WWOX: variants seen among roughly 807,000 people sequenced by gnomAD.
WWOX encodes the protein WW domain containing oxidoreductase.
WWOX carries 69 observed loss-of-function variants against 46.2 expected under a neutral mutation model. The observed-to-expected ratio is 1.49, with a 90% confidence interval of 1.23 to 1.82. The LOEUF (loss-of-function observed/expected upper bound fraction) is 1.82. Among genes scored for constraint, WWOX ranks in the 40% most tolerant of loss-of-function variants. WWOX has a pLI of 0.00. For synonymous variants in WWOX, 359 were observed against 202.6 expected (o/e 1.77, Z -6.56); for missense variants, 919 against 542.6 (o/e 1.69, Z -6.89).
intron 8 of WWOX, among the ~76,000 whole-genome samples, chr16:78,995,521 G>T (rs1383952908): frequency 6.6e-6 from 1 of 151,934 alleles, no homozygotes; most frequent in Non-Finnish European, 1.5e-5. Context: ...AACTTGGAGA[G>T]CATTCTTCTA....
intron 8 of WWOX, among the ~76,000 whole-genome samples, chr16:78,677,366 G>T (rs2047626254): frequency 6.6e-6 from 1 of 152,202 alleles, no homozygotes. Context: ...TGAAAACACT[G>T]TTTAAATAAA....
chr16:78,697,870 CCCCTGGCTTAG>C (rs1356162922), intron 8 of WWOX, among the ~76,000 whole-genome samples: 2 of 152,126 alleles, frequency 1.3e-5, no homozygotes, highest in African/African-American at 4.8e-5. Context: ...GGTGCAATTA[CCCCTGGCTTAG>C]GGTTGAGAAA....
chr16:78,904,967 C>G (rs1013928932), intron 8 of WWOX, among the ~76,000 whole-genome samples: 1 of 152,186 alleles, frequency 6.6e-6, no homozygotes, highest in African/African-American at 2.4e-5. Context: ...CATCCTTATC[C>G]TACCTCCCAA....
chr16:78,968,758 A>G (rs1225383187), intron 8 of WWOX, among the ~76,000 whole-genome samples: 1 of 152,126 alleles, frequency 6.6e-6, no homozygotes, highest in Non-Finnish European at 1.5e-5. Context: ...AATCATTAGC[A>G]TGGTGAAGAT....
Position 79,135,348 on chromosome 16 carries a change from C to G in WWOX, c.1057-76260C>G, listed in dbSNP as rs113914890. ...CCTTTTCCCATAATTTTATGGATTACATTTATTTTCATTTCTGTATATTTA... is the reference window on the plus strand; with the variant it reads ...CCTTTTCCCATAATTTTATGGATTAGATTTATTTTCATTTCTGTATATTTA... On this transcript the variant is annotated intron_variant, in intron 8 of 8. Coordinates refer to ENST00000566780, the MANE Select transcript of WWOX (RefSeq NM_016373.4). Among the ~76,000 whole-genome samples, 148 of 152,144 alleles carry G rather than the reference C, an allele frequency of 9.7e-4. 2 individuals carry two copies. The highest frequency in any genetic ancestry group is 3.5e-4 in the Non-Finnish European group (24 of 67,984).
chr16:79,141,824 G>T (rs1462692837), intron 8 of WWOX, among the ~76,000 whole-genome samples: 1 of 152,006 alleles, frequency 6.6e-6, no homozygotes, highest in Non-Finnish European at 1.5e-5. Context: ...AGGGCCAGAA[G>T]GAAGCAGTGT....
At chr16:78,884,364 G>C (rs141531373) in intron 8 of WWOX, among the ~76,000 whole-genome samples, 30 of 151,424 alleles carry the variant, frequency 2.0e-4, no homozygotes, top group African/African-American at 7.0e-4. Context: ...AAGTACAAGA[G>C]TGTGTTTAGC....
chr16:78,468,686 C>G (rs549861407), intron 8 of WWOX, among the ~76,000 whole-genome samples: 7 of 152,166 alleles, frequency 4.6e-5, no homozygotes, highest in Admixed American at 3.3e-4. Flanking sequence ...CGTTACTGCA[C>G]CTGTTTGAGC....
At chr16:78,437,219 G>A (rs763373217) in intron 8 of WWOX, among the ~76,000 whole-genome samples, 1 of 152,100 alleles carries the variant, frequency 6.6e-6, no homozygotes, top group Non-Finnish European at 1.5e-5. Context: ...TAATATCAAC[G>A]TCCCTTTTTT....
intron 8 of WWOX, among the ~76,000 whole-genome samples, chr16:78,766,859 C>T (rs1373985099): frequency 6.6e-6 from 1 of 152,074 alleles, no homozygotes; most frequent in East Asian, 1.9e-4. Flanking sequence ...TAAATATATT[C>T]ACAATGTTGT....
intron 5 of WWOX, among the ~76,000 whole-genome samples, chr16:78,336,913 G>A (rs1227961397): frequency 3.3e-5 from 5 of 152,014 alleles, no homozygotes; most frequent in Non-Finnish European, 7.4e-5. Flanking sequence ...TGAGTAGCTG[G>A]GATTACAGGC....
At chr16:78,631,658 C>T (rs571814782) in intron 8 of WWOX, among the ~76,000 whole-genome samples, 17 of 151,850 alleles carry the variant, frequency 1.1e-4, no homozygotes, top group African/African-American at 3.6e-4. Context: ...CTTGCCTCAG[C>T]CCTCCAAGTA....
At chr16:78,817,424 A>C (rs1392488013) in intron 8 of WWOX, among the ~76,000 whole-genome samples, 2 of 152,168 alleles carry the variant, frequency 1.3e-5, no homozygotes, top group African/African-American at 4.8e-5. Flanking sequence ...TAATATCTTC[A>C]GCTACCAACA....
At chr16:78,438,220 A>G (rs530641867) in intron 8 of WWOX, among the ~76,000 whole-genome samples, 11 of 152,308 alleles carry the variant, frequency 7.2e-5, no homozygotes, top group Admixed American at 2.0e-4. Context: ...AAGTTCTACA[A>G]TCTTAGAATT....
intron 8 of WWOX, among the ~76,000 whole-genome samples, chr16:79,158,880 G>T (rs183214506): frequency 2.0e-5 from 3 of 152,280 alleles, no homozygotes; most frequent in East Asian, 3.9e-4. Flanking sequence ...CAAGGACCTA[G>T]GTCATTTTCA....
At chr16:79,099,967 A>G (rs576201601) in intron 8 of WWOX, among the ~76,000 whole-genome samples, 21 of 152,346 alleles carry the variant, frequency 1.4e-4, no homozygotes, top group African/African-American at 4.8e-4. Flanking sequence ...CTCTTGGCAT[A>G]TGCTAAAGCT....
At chr16:78,887,085 TG>T (rs2044477877) in intron 8 of WWOX, among the ~76,000 whole-genome samples, 189 of 13,398 alleles carry the variant, frequency 0.014, no homozygotes, top group Admixed American at 0.029. Flanking sequence ...GTGGTGTGTG[TG>T]TGTGTGTGTG....
intron 8 of WWOX, among the ~76,000 whole-genome samples, chr16:78,679,811 A>G (rs1414136220): frequency 6.6e-6 from 1 of 152,224 alleles, no homozygotes; most frequent in African/African-American, 2.4e-5. Context: ...TGCTGCCTGC[A>G]GAAAGAGACA....
chr16:78,851,043 T>C (rs1464260455), intron 8 of WWOX, among the ~76,000 whole-genome samples: 3 of 152,196 alleles, frequency 2.0e-5, no homozygotes, highest in African/African-American at 4.8e-5. Context: ...ACATGTGAGT[T>C]ATTTGAAAGA....
Sources: gnomAD v4.1 joint callset for allele counts (sites outside exome capture counted in the v4.1 genomes callset) on GRCh38, gnomAD v4.1.1 for gene constraint, MANE v1.5 for transcripts, NCBI Gene and HGNC (gene_info 2026-07-23, HGNC 2026-07-21) for gene names.